Variants in TMEM154 observed in about 807,000 individuals in gnomAD.
TMEM154 encodes the protein transmembrane protein 154.
TMEM154 carries 27 observed loss-of-function variants against 24.5 expected under a neutral mutation model. The observed-to-expected ratio is 1.10, with a 90% CI of 0.81 to 1.52. The LOEUF (loss-of-function observed/expected upper bound fraction) is 1.52. Among genes scored for constraint, TMEM154 ranks in the 40% most tolerant of loss-of-function variants. The pLI, the probability that TMEM154 is intolerant of heterozygous loss-of-function variation, is 0.00. For synonymous variants in TMEM154, 67 were observed against 76.8 expected (o/e 0.87, Z 0.67); for missense variants, 228 against 213.4 (o/e 1.07, Z -0.43).
intron 1 of TMEM154, among the ~76,000 whole-genome samples, chr4:152,678,532 G>C (rs530651640): frequency 2.6e-5 from 4 of 151,214 alleles, no homozygotes; most frequent in East Asian, 2.0e-4. Context: ...GGGCGGCGGT[G>C]GGGGGAGGGG....
Position 152,640,967 on chromosome 4 carries a change from G to A in TMEM154, c.497C>T (p.Pro166Leu), listed in dbSNP as rs549930060. The A allele has an allele frequency of 1.8e-5, 29 of 1,609,266 alleles. No homozygotes were observed. In the African/African-American group the frequency reaches 3.4e-4, roughly 19 times the overall value. ...MNRNADFECL[P>L]TLKEEKESNH... ...TGATTCCTTCTCTTCCTTCAAGGTAGGTAAACATTCAAAGTCGGCTAGGAC... is the reference window on the plus strand; with the variant it reads ...TGATTCCTTCTCTTCCTTCAAGGTAAGTAAACATTCAAAGTCGGCTAGGAC... The change falls in exon 6 of 7, where the codon CCT becomes CTT. Residue 166 changes from proline to leucine, a missense_variant. Coordinates refer to ENST00000304385, the MANE Select transcript of TMEM154 (RefSeq NM_152680.3).
Position 152,665,788 on chromosome 4 carries a change from CT to C in TMEM154, c.65-12862del, listed in dbSNP as rs560197111. 5.2e-3 allele frequency among the ~76,000 whole-genome samples: 664 copies of C among 127,062 alleles called. 3 individuals are homozygous for C. Among genetic ancestry groups the C allele is most frequent in the South Asian group, 0.028 (110 of 3,916 alleles). The allele number at this position is 127,062 out of a possible 152,430, so 83.4% of individuals were successfully genotyped here. ...GTCTGGGAGGGGGCCCAAGAATTTG[CT>C]TTTTTTTTTTTTTTTTGAGACAGGG... On this transcript the variant is annotated intron_variant, in intron 1 of 6. Transcript: ENST00000304385.
intron 1 of TMEM154, chr4:152,669,472 A>G (rs1728784676): frequency 8.7e-6 from 1 of 114,738 alleles, no homozygotes. Context: ...CTAAATACTT[A>G]TACTAAATTG....
intron 1 of TMEM154, chr4:152,666,600 C>T (rs752896924): frequency 2.0e-5 from 3 of 152,192 alleles, no homozygotes; most frequent in Non-Finnish European, 4.4e-5. Flanking sequence ...GTATGAGCCA[C>T]CAAGTCCTAC....
intron 1 of TMEM154, among the ~76,000 whole-genome samples, chr4:152,675,985 A>G (rs1728946242): frequency 6.6e-6 from 1 of 152,140 alleles, no homozygotes; most frequent in Non-Finnish European, 1.5e-5. Context: ...TTTGGTCGTA[A>G]TGGCCAGTTC....
chr4:152,629,518 C>T (rs561257908), intron 6 of TMEM154, among the ~76,000 whole-genome samples: 1 of 152,306 alleles, frequency 6.6e-6, no homozygotes, highest in South Asian at 2.1e-4. Flanking sequence ...TCCTGGTGGG[C>T]CCACAGCTCC....
At chr4:152,633,045 C>T (rs1369562819) in intron 6 of TMEM154, among the ~76,000 whole-genome samples, 1 of 152,232 alleles carries the variant, frequency 6.6e-6, no homozygotes, top group Non-Finnish European at 1.5e-5. Context: ...AAAACACTAG[C>T]ATGAATATTG....
At position 152,665,933 on chromosome 4, in the gene TMEM154, G is replaced by A. The variant is rs142189625; in HGVS notation, c.65-13006C>T. ...CCACCAAGTAGGTGGGACTACAGAC[G>A]TGCGCCACCACGCCTGACTAATTTT... is the stretch of plus-strand genomic sequence containing the variant. On this transcript the variant is annotated intron_variant, in intron 1 of 6. Coordinates refer to ENST00000304385, the MANE Select transcript of TMEM154 (RefSeq NM_152680.3). Among the ~76,000 whole-genome samples, 250 of 151,912 alleles carry A rather than the reference G, an allele frequency of 1.6e-3. 1 individual carries two copies. Among genetic ancestry groups the A allele is most frequent in the African/African-American group, 5.8e-3 (242 of 41,396 alleles).
intron 3 of TMEM154, among the ~76,000 whole-genome samples, chr4:152,648,469 G>T (rs1449519297): frequency 2.6e-5 from 4 of 152,128 alleles, no homozygotes; most frequent in Non-Finnish European, 1.5e-5. Context: ...CATTCCAGCC[G>T]GGGTAACAGA....
At chr4:152,676,360 G>A (rs1190656615) in intron 1 of TMEM154, among the ~76,000 whole-genome samples, 2 of 152,188 alleles carry the variant, frequency 1.3e-5, no homozygotes, top group East Asian at 1.9e-4. Flanking sequence ...AAAACTAAAC[G>A]AGTAGCCTGG....
Position 152,679,904 on chromosome 4 carries a change from G to T in TMEM154, c.30C>A (p.Phe10Leu). 7 of 1,611,146 alleles carry T rather than the reference G, an allele frequency of 4.3e-6. No individual in the cohort carries two copies. The highest frequency in any genetic ancestry group is 5.9e-6 in the Non-Finnish European group (7 of 1,179,120). MQAPRAALVFALVIALVPVG... is the reference protein window; with the variant it reads MQAPRAALVLALVIALVPVG... ...CGGGAACGAGCGCGATCACCAGGGC[G>T]AAGACTAGGGCTGCGCGGGGAGCCT... is the stretch of plus-strand genomic sequence containing the variant. The change falls in exon 1 of 7, where the codon TTC (phenylalanine) becomes TTA (leucine). Residue 10 changes from phenylalanine to leucine, a missense_variant. Phe to Leu is a conservative substitution (Grantham distance 22). Coordinates refer to ENST00000304385, the MANE Select transcript of TMEM154 (RefSeq NM_152680.3).
At chr4:152,636,787 C>T (rs1296917687) in intron 6 of TMEM154, among the ~76,000 whole-genome samples, 1 of 152,166 alleles carries the variant, frequency 6.6e-6, no homozygotes, top group African/African-American at 2.4e-5. Context: ...AACAGAGGTT[C>T]TATGTCAGGC....
In TMEM154 at chr4:152,664,859, A is replaced by G. The variant is rs147860887; in HGVS notation, c.65-11932T>C. 3.4e-3 allele frequency among the ~76,000 whole-genome samples: 520 copies of G among 152,324 alleles called. 3 individuals are homozygous for G. Among genetic ancestry groups the G allele is most frequent in the Middle Eastern group, 0.017 (5 of 294 alleles). ...CAAACTCTTCCCTGCGTTGTGGAGT[A>G]ACTGACATGTTTGAATTTCAGGATG... On this transcript the variant is annotated intron_variant, in intron 1 of 6. Coordinates refer to ENST00000304385, the MANE Select transcript of TMEM154 (RefSeq NM_152680.3).
chr4:152,653,400 T>C (rs1426085229), intron 1 of TMEM154, among the ~76,000 whole-genome samples: 4 of 151,644 alleles, frequency 2.6e-5, no homozygotes, highest in African/African-American at 9.7e-5. Flanking sequence ...ATTTTTTTTT[T>C]TTTTTTTGAG....
At chr4:152,638,901 T>C (rs947207434) in intron 6 of TMEM154, among the ~76,000 whole-genome samples, 1 of 152,160 alleles carries the variant, frequency 6.6e-6, no homozygotes, top group Non-Finnish European at 1.5e-5. Flanking sequence ...AAAACAATCA[T>C]TTAACTATGT....
intron 6 of TMEM154, among the ~76,000 whole-genome samples, chr4:152,638,025 C>T (rs1752183705): frequency 1.3e-5 from 2 of 152,128 alleles, no homozygotes; most frequent in South Asian, 4.1e-4. Context: ...CTTTGGGAGG[C>T]CAAGGCAGCA....
intron 3 of TMEM154, among the ~76,000 whole-genome samples, chr4:152,650,823 G>A (rs1429223969): frequency 1.3e-5 from 2 of 152,210 alleles, no homozygotes; most frequent in African/African-American, 4.8e-5. Context: ...GAAAACGTTA[G>A]TCTCCTTGTA....
intron 1 of TMEM154, among the ~76,000 whole-genome samples, chr4:152,655,499 A>G (rs1728473284): frequency 6.6e-6 from 1 of 152,102 alleles, no homozygotes; most frequent in Non-Finnish European, 1.5e-5. Flanking sequence ...AGCCCCCACC[A>G]GACTGTATCC....
chr4:152,650,885 T>A (rs1047957967), intron 3 of TMEM154, among the ~76,000 whole-genome samples: 1 of 152,228 alleles, frequency 6.6e-6, no homozygotes, highest in African/African-American at 2.4e-5. Flanking sequence ...TGAGCAGTAA[T>A]ATTTTTAGTG....
Sources: allele counts gnomAD v4.1 joint callset (sites outside exome capture counted in the v4.1 genomes callset), GRCh38; gene constraint gnomAD v4.1.1; transcripts MANE v1.5; gene names NCBI Gene and HGNC (gene_info 2026-07-23, HGNC 2026-07-21).